The following IL1RAPL1 variants were observed in gnomAD, a reference collection of about 807,000 sequenced individuals.
IL1RAPL1 encodes the protein interleukin-1 receptor accessory protein-like 1.
A neutral mutation model predicts 48.4 loss-of-function variants in IL1RAPL1; 3 were observed. The ratio of observed to expected loss-of-function variants is 0.06; its 90% CI spans 0.03 to 0.16. The LOEUF is 0.16. Among genes scored for constraint, IL1RAPL1 ranks in the 10% least tolerant of loss-of-function variants. IL1RAPL1 has a pLI of 1.00. For missense variants in IL1RAPL1, 349 were observed against 530.6 expected (o/e 0.66, Z 3.36); for synonymous variants, 185 against 187.7 (o/e 0.99, Z 0.12).
chrX:29,837,286 TATATATATATATATAC>T (rs1931038800), intron 6 of IL1RAPL1, among the ~76,000 whole-genome samples: 1 of 70,999 alleles, frequency 1.4e-5, no homozygotes, highest in Admixed American at 1.6e-4. Flanking sequence ...TATATATATA[TATATATATATATATAC>T]ACACACACAC....
At chrX:29,514,154 C>CAT (rs777902373) in intron 5 of IL1RAPL1, among the ~76,000 whole-genome samples, 29 of 111,224 alleles carry the variant, frequency 2.6e-4, no homozygotes, top group Non-Finnish European at 4.5e-4. Context: ...AAAAATTATA[C>CAT]ATATATATTT....
At chrX:28,743,931 A>G (rs1014452147) in intron 1 of IL1RAPL1, among the ~76,000 whole-genome samples, 2 of 110,954 alleles carry the variant, frequency 1.8e-5, no homozygotes, top group African/African-American at 6.5e-5. Flanking sequence ...TGTGAATCCT[A>G]TCAAGTATTC....
chrX:29,093,512 C>T (rs918091405), intron 2 of IL1RAPL1, among the ~76,000 whole-genome samples: 2 of 111,363 alleles, frequency 1.8e-5, no homozygotes, highest in Non-Finnish European at 3.8e-5. Flanking sequence ...CAAACCGTAT[C>T]ACTTTGTTAT....
At chrX:29,558,225 A>G (rs148092247) in intron 5 of IL1RAPL1, among the ~76,000 whole-genome samples, 62 of 111,959 alleles carry the variant, frequency 5.5e-4, no homozygotes, top group Middle Eastern at 9.1e-3. Context: ...GATAATAGCC[A>G]TTGTAACAGT....
chrX:28,604,486 T>C (rs1260593229), intron 1 of IL1RAPL1, among the ~76,000 whole-genome samples: 1 of 111,021 alleles, frequency 9.0e-6, no homozygotes, highest in Non-Finnish European at 1.9e-5. Context: ...CCCAGCACTT[T>C]GGGAGGCCGA....
chrX:28,905,337 C>T (rs1179245615), intron 2 of IL1RAPL1, among the ~76,000 whole-genome samples: 1 of 111,477 alleles, frequency 9.0e-6, no homozygotes, highest in Non-Finnish European at 1.9e-5. Context: ...GGACCTTCAT[C>T]TCAGTGAATT....
At chrX:29,068,711 A>C (rs1221808339) in intron 2 of IL1RAPL1, among the ~76,000 whole-genome samples, 1 of 112,444 alleles carries the variant, frequency 8.9e-6, no homozygotes, top group Non-Finnish European at 1.9e-5. Context: ...GGGATGCGGA[A>C]GGATAACGGA....
chrX:29,910,174 A>T (rs1410386342), intron 6 of IL1RAPL1, among the ~76,000 whole-genome samples: 1 of 111,062 alleles, frequency 9.0e-6, no homozygotes, highest in Non-Finnish European at 1.9e-5. Context: ...ACATGTTCTC[A>T]CTTATAAGTG....
Position 29,611,014 on chromosome X carries a change from C to G in IL1RAPL1, c.704-57416C>G, listed in dbSNP as rs1309103565. 3.6e-5 allele frequency among the ~76,000 whole-genome samples: 4 copies of G among 112,344 alleles called. No homozygotes were observed. In the East Asian group the frequency reaches 1.1e-3, roughly 31 times the overall value. ...TATATATTGTGACTTACTTTTCTAT[C>G]TGACTCTGGCATAACATTATAAGAC... On this transcript the variant is annotated intron_variant, in intron 5 of 10. Transcript: ENST00000378993.
At chrX:29,049,065 A>G (rs1927036418) in intron 2 of IL1RAPL1, among the ~76,000 whole-genome samples, 1 of 112,390 alleles carries the variant, frequency 8.9e-6, no homozygotes, top group African/African-American at 3.2e-5. Context: ...TGTTTGTGAC[A>G]CATGCTTTTC....
intron 5 of IL1RAPL1, among the ~76,000 whole-genome samples, chrX:29,612,346 T>C (rs898389070): frequency 2.7e-5 from 3 of 109,863 alleles, no homozygotes; most frequent in Non-Finnish European, 3.8e-5. Flanking sequence ...CAATTTTGCA[T>C]ACAAGTTCAG....
intron 5 of IL1RAPL1, among the ~76,000 whole-genome samples, chrX:29,492,821 C>T (rs988901373): frequency 9.0e-6 from 1 of 111,557 alleles, no homozygotes; most frequent in Non-Finnish European, 1.9e-5. Flanking sequence ...ATTCTGCCTA[C>T]TACATATGGT....
At chrX:28,958,873 AT>A (rs1218805247) in intron 2 of IL1RAPL1, among the ~76,000 whole-genome samples, 1 of 111,733 alleles carries the variant, frequency 8.9e-6, no homozygotes, top group Non-Finnish European at 1.9e-5. Context: ...CTTTAGTAAA[AT>A]AAAGAGAAAT....
chrX:29,766,327 C>CAAAAAAAAAAAAAAA (rs1220003136), intron 6 of IL1RAPL1, among the ~76,000 whole-genome samples: 1 of 25,639 alleles, frequency 3.9e-5, no homozygotes, highest in African/African-American at 2.1e-4. Context: ...GACTCCGTCT[C>CAAAAAAAAAAAAAAA]AAAAAAAAAA....
rs139243106 is a variant in IL1RAPL1, at chrX:29,591,446, G to A, written c.704-76984G>A. Among the ~76,000 whole-genome samples, 682 of 112,500 alleles carry A rather than the reference G, an allele frequency of 6.1e-3. 4 individuals carry two copies. The highest frequency in any genetic ancestry group is 0.021 in the African/African-American group (657 of 31,004). Reference sequence around the variant, plus strand: ...GGACACTTCTGTGAATTAGCCAAAGGTCAAACCCAGTCCTTCTGCTTAGAC... The same window carrying A: ...GGACACTTCTGTGAATTAGCCAAAGATCAAACCCAGTCCTTCTGCTTAGAC... On this transcript the variant is annotated intron_variant, in intron 5 of 10. Transcript: ENST00000378993.
At chrX:28,608,414 G>A (rs1934109705) in intron 1 of IL1RAPL1, among the ~76,000 whole-genome samples, 1 of 111,994 alleles carries the variant, frequency 8.9e-6, no homozygotes, top group African/African-American at 3.2e-5. Flanking sequence ...TATTTTAGAT[G>A]ATTGTTCTTG....
intron 2 of IL1RAPL1, among the ~76,000 whole-genome samples, chrX:29,124,967 G>A (rs1292499249): frequency 1.8e-5 from 2 of 111,896 alleles, no homozygotes; most frequent in South Asian, 3.7e-4. Flanking sequence ...ATGAATTAAC[G>A]ACTAATGTCA....
chrX:28,869,365 C>A (rs1182154204), intron 2 of IL1RAPL1, among the ~76,000 whole-genome samples: 1 of 111,842 alleles, frequency 8.9e-6, no homozygotes, highest in African/African-American at 3.2e-5. Flanking sequence ...TTCTAAAATT[C>A]AACTAAAGGC....
At chrX:28,996,620 TTGTG>T (rs59015501) in intron 2 of IL1RAPL1, among the ~76,000 whole-genome samples, 2 of 108,389 alleles carry the variant, frequency 1.8e-5, no homozygotes, top group African/African-American at 6.7e-5. Context: ...AATTGTTATT[TTGTG>T]TGTGTGTGTG....
Sources: allele counts gnomAD v4.1 joint callset (sites outside exome capture counted in the v4.1 genomes callset), GRCh38; gene constraint gnomAD v4.1.1; transcripts MANE v1.5; gene names NCBI Gene and HGNC (gene_info 2026-07-23, HGNC 2026-07-21).